The following UGT2B4 variants were observed in gnomAD, a reference collection of about 807,000 sequenced individuals.
UGT2B4 encodes UDP glucuronosyltransferase family 2 member B4.
A neutral mutation model predicts 49.8 loss-of-function variants in UGT2B4; 49 were observed. That is an observed-to-expected ratio of 0.98 (90% CI 0.78 to 1.25). The LOEUF is 1.25. Among genes scored for constraint, UGT2B4 ranks in the 50% most tolerant of loss-of-function variants. The pLI is 0.00. For missense variants in UGT2B4, 729 were observed against 627.7 expected, an observed-to-expected ratio of 1.16 and a Z score of -1.73; for synonymous variants, 246 against 217.7, an observed-to-expected ratio of 1.13 and a Z score of -1.14.
rs545057484 is a variant in UGT2B4, at chr4:69,495,180, C to G, written c.682G>C (p.Asp228His). 1 of 1,580,340 alleles carries G rather than the reference C, an allele frequency of 6.3e-7. No homozygotes were observed. The highest frequency in any genetic ancestry group is 1.2e-5 in the South Asian group (1 of 84,258). ...TAGAACTGATCCCACTTCTTCATGT[C>G]AAATATTTGGAACCAAAATTCAAAA... ...LYFEFWFQIF[D>H]MKKWDQFYSE... The change falls in exon 1 of 6, where the codon GAC becomes CAC. Residue 228 changes from aspartate (D) to histidine (H), a missense_variant. Asp to His is a moderately conservative substitution (Grantham distance 81). Transcript: ENST00000305107.
intron 1 of UGT2B4, among the ~76,000 whole-genome samples, chr4:69,515,795 A>T (rs1025383899): frequency 3.3e-5 from 5 of 152,064 alleles, no homozygotes; most frequent in Non-Finnish European, 5.9e-5. Context: ...GAAAAGAATT[A>T]AAAAAAATTA....
chr4:69,505,510 G>A (rs1728445005), intron 1 of UGT2B4, among the ~76,000 whole-genome samples: 1 of 152,104 alleles, frequency 6.6e-6, no homozygotes, highest in Non-Finnish European at 1.5e-5. Context: ...TCAACAAGAA[G>A]ATCTAATTAT....
chr4:69,487,042 T>A (rs1027226600), intron 3 of UGT2B4, among the ~76,000 whole-genome samples: 12 of 152,156 alleles, frequency 7.9e-5, no homozygotes, highest in African/African-American at 1.9e-4. Context: ...AGATACCATC[T>A]CACACCAGTC....
At chr4:69,501,132 T>C (rs928796180) in intron 1 of UGT2B4, among the ~76,000 whole-genome samples, 24 of 151,778 alleles carry the variant, frequency 1.6e-4, no homozygotes, top group African/African-American at 5.6e-4. Flanking sequence ...CTACCGGGGA[T>C]GGAGCTGGGG....
At chr4:69,514,702 G>T (rs1244340669) in intron 1 of UGT2B4, among the ~76,000 whole-genome samples, 3 of 151,960 alleles carry the variant, frequency 2.0e-5, no homozygotes, top group Non-Finnish European at 4.4e-5. Flanking sequence ...GCCTTTTCTG[G>T]GTTTATTGAG....
At chr4:69,515,883 G>A (rs991272512) in intron 1 of UGT2B4, among the ~76,000 whole-genome samples, 2 of 152,192 alleles carry the variant, frequency 1.3e-5, no homozygotes, top group African/African-American at 4.8e-5. Flanking sequence ...TGCAGGATGT[G>A]CAGGTTTGTT....
At chr4:69,501,898 G>A (rs932345950) in intron 1 of UGT2B4, among the ~76,000 whole-genome samples, 1 of 152,150 alleles carries the variant, frequency 6.6e-6, no homozygotes, top group African/African-American at 2.4e-5. Flanking sequence ...AGGCCCTGGT[G>A]GAGTGGGCTC....
At chr4:69,493,556 A>C (rs761861808) in intron 2 of UGT2B4, 137 bp downstream of exon 2, 199 of 1,004,138 alleles carry the variant, frequency 2.0e-4, no homozygotes, top group Non-Finnish European at 2.7e-4. Context: ...ATCAACATGT[A>C]CGTCAGTTTC....
chr4:69,492,595 T>A (rs992736843), intron 2 of UGT2B4, among the ~76,000 whole-genome samples: 2 of 152,076 alleles, frequency 1.3e-5, no homozygotes, highest in African/African-American at 4.8e-5. Flanking sequence ...AATAATTAGT[T>A]TCTATTAAAT....
At chr4:69,503,341 G>T (rs1319161028) in intron 1 of UGT2B4, among the ~76,000 whole-genome samples, 1 of 152,148 alleles carries the variant, frequency 6.6e-6, no homozygotes, top group Non-Finnish European at 1.5e-5. Flanking sequence ...CCAGCAAGGT[G>T]GCCCCTATAG....
chr4:69,501,022 T>C (rs1231224931), intron 1 of UGT2B4, among the ~76,000 whole-genome samples: 2 of 152,076 alleles, frequency 1.3e-5, no homozygotes. Flanking sequence ...GCAAAGAGGT[T>C]GAATTCAGGC....
intron 1 of UGT2B4, among the ~76,000 whole-genome samples, chr4:69,507,297 A>G (rs1318421756): frequency 1.3e-5 from 2 of 152,220 alleles, no homozygotes; most frequent in Non-Finnish European, 2.9e-5. Context: ...TTATTTGCAG[A>G]TGACATAATC....
upstream of UGT2B4, chr4:69,496,001 C>T (rs1728151791): frequency 7.5e-7 from 1 of 1,338,412 alleles, no homozygotes; most frequent in Non-Finnish European, 9.9e-7. Flanking sequence ...ACAGTCTGAG[C>T]ATGTGGATGA....
In UGT2B4 at chr4:69,485,350, T is replaced by G; in HGVS notation, c.1168A>C (p.Met390Leu). ...IYEAIYHGIP[M>L]VGVPLFADQP... ...TCTGCAAACAATGGAACGCCCACCA[T>G]AGGGATTCCATGGTAGATTGCCTCA... The change falls in exon 5 of 6, where the codon ATG becomes CTG. Residue 390 changes from methionine to leucine, a missense_variant. Met to Leu is a conservative substitution (Grantham distance 15, BLOSUM62 2). Coordinates refer to ENST00000305107, the MANE Select transcript of UGT2B4 (RefSeq NM_021139.3). 6.2e-7 allele frequency: 1 copy of G among 1,613,994 alleles called. No individual in the cohort carries two copies. Among genetic ancestry groups the G allele is most frequent in the Non-Finnish European group, 8.5e-7 (1 of 1,179,920 alleles).
intron 1 of UGT2B4, among the ~76,000 whole-genome samples, chr4:69,512,143 T>A (rs1233159141): frequency 1.3e-5 from 2 of 152,018 alleles, no homozygotes; most frequent in Non-Finnish European, 2.9e-5. Flanking sequence ...TTACATGTAT[T>A]TCAGCTCAAA....
In UGT2B4 at chr4:69,495,895, T is replaced by G. The variant is rs375982216; in HGVS notation, c.-34A>C. On this transcript the variant is annotated 5_prime_UTR_variant, in exon 1 of 6. Coordinates refer to ENST00000305107, the MANE Select transcript of UGT2B4 (RefSeq NM_021139.3). ...AATGCAATGCTTGTTTTCCAGTTGC[T>G]GCTCCTTTCTGTCATTTCTCATGGT... 10 of 1,542,788 alleles carry G rather than the reference T, an allele frequency of 6.5e-6. No individual in the cohort carries two copies. The highest frequency in any genetic ancestry group is 2.1e-5 in the Admixed American group (1 of 47,108).
At chr4:69,494,173 G>A (rs761653563) in intron 1 of UGT2B4, among the ~76,000 whole-genome samples, 19 of 152,056 alleles carry the variant, frequency 1.2e-4, no homozygotes, top group South Asian at 2.1e-4. Context: ...GCAGATATAC[G>A]TATAAACCAC....
intron 1 of UGT2B4, among the ~76,000 whole-genome samples, chr4:69,503,801 AC>A (rs1249153999): frequency 6.6e-6 from 1 of 152,124 alleles, no homozygotes; most frequent in East Asian, 1.9e-4. Flanking sequence ...GTGATGAGCA[AC>A]CATAGTGAGG....
chr4:69,489,590 G>C lies in UGT2B4; in HGVS notation c.871-20C>G. On this transcript the variant is annotated intron_variant, in intron 2 of 5. Coordinates refer to ENST00000305107, the MANE Select transcript of UGT2B4 (RefSeq NM_021139.3). Reference sequence around the variant, plus strand: ...CATTTCCTGTGAAAAAAAAGAATTTGTTCTATCATAATAGATTATCAGCAC... The same window carrying C: ...CATTTCCTGTGAAAAAAAAGAATTTCTTCTATCATAATAGATTATCAGCAC... 2 of 1,597,470 alleles carry C rather than the reference G, an allele frequency of 1.3e-6. No homozygotes were observed. Among genetic ancestry groups the C allele is most frequent in the South Asian group, 1.1e-5 (1 of 89,474 alleles).
Sources: allele counts gnomAD v4.1 joint callset (sites outside exome capture counted in the v4.1 genomes callset), GRCh38; gene constraint gnomAD v4.1.1; transcripts MANE v1.5; gene names NCBI Gene and HGNC (gene_info 2026-07-23, HGNC 2026-07-21).